ATP2A3: variants seen among roughly 807,000 people sequenced by gnomAD.
ATP2A3 encodes the protein ATPase sarcoplasmic/endoplasmic reticulum Ca2+ transporting 3, also known as sarcoplasmic/endoplasmic reticulum calcium ATPase 3.
In ATP2A3, 61 loss-of-function variants were observed where a neutral mutation model predicts 106.8. The observed-to-expected ratio is 0.57, with a 90% CI of 0.46 to 0.71. The LOEUF (loss-of-function observed/expected upper bound fraction) is 0.71, where lower values mean the gene tolerates loss of function less well. Ranked by LOEUF, ATP2A3 falls within the 30% of genes least tolerant of loss-of-function variation. The pLI is 0.00. For missense variants in ATP2A3, 1,201 were observed against 1,423.5 expected (o/e 0.84, Z 2.52); for synonymous variants, 611 against 609.3 (o/e 1.00, Z -0.04).
intron 7 of ATP2A3, among the ~76,000 whole-genome samples, chr17:3,950,086 T>TG (rs1019483761): frequency 1.9e-4 from 28 of 150,102 alleles, no homozygotes; most frequent in Non-Finnish European, 3.3e-4. Context: ...AGCTTGAACC[T>TG]GGGGGGCGGG....
At chr17:3,962,721 C>T (rs1484186825) in intron 1 of ATP2A3, among the ~76,000 whole-genome samples, 2 of 36 alleles carry the variant, frequency 0.056, no homozygotes, top group African/African-American at 0.25. Flanking sequence ...AGAATGAAGA[C>T]AGACCTGGCT....
Position 3,947,983 on chromosome 17 carries a change from T to C in ATP2A3, c.631-128A>G. 1.1e-6 allele frequency: 1 copy of C among 919,796 alleles called. No individual in the cohort carries two copies. The allele number at this position is 919,796 out of a possible 1,614,324, so 57.0% of individuals were successfully genotyped here. A position where few individuals can be genotyped will look rare whatever the true frequency, so the allele number is the denominator to read the frequency against. ...GCTTTCCTTTTCTCCATGTTGCTAGTGCTTCCAGACTCCTGTAGCTATGTA... is the reference window on the plus strand; with the variant it reads ...GCTTTCCTTTTCTCCATGTTGCTAGCGCTTCCAGACTCCTGTAGCTATGTA... On this transcript the variant is annotated intron_variant, in intron 7 of 20. Transcript: ENST00000397041. This position sits in a 1 kb window ranked among gnomAD's most constrained non-coding sequence, Gnocchi z 7.7.
chr17:3,945,946 C>G (rs2054088840), intron 8 of ATP2A3, among the ~76,000 whole-genome samples: 1 of 152,202 alleles, frequency 6.6e-6, no homozygotes, highest in South Asian at 2.1e-4. Context: ...CCACACTGCA[C>G]TTTAAAACTC....
In ATP2A3 at chr17:3,948,153, G is replaced by A. The variant is rs1051579443; in HGVS notation, c.631-298C>T. ...GATATTGATGATATAATCAACCAGC[G>A]CAGCACAAGCATCAACCCCACAAAA... On this transcript the variant is annotated intron_variant, in intron 7 of 20. Coordinates refer to ENST00000397041, the MANE Select transcript of ATP2A3 (RefSeq NM_005173.4). Among the ~76,000 whole-genome samples, 10 of 152,330 alleles carry A rather than the reference G, an allele frequency of 6.6e-5. No homozygotes were observed. In the East Asian group the frequency reaches 1.2e-3, roughly 18 times the overall value.
At chr17:3,950,629 A>G (rs370795289) in intron 6 of ATP2A3, 33 bp from the exon 7 acceptor site, 14 of 1,613,678 alleles carry the variant, frequency 8.7e-6, no homozygotes, top group East Asian at 2.2e-5. Context: ...GAAGCCCCAC[A>G]TGAAGACACG....
At position 3,928,663 on chromosome 17, in the gene ATP2A3, C is replaced by G; in HGVS notation, c.2980G>C (p.Glu994Gln). Residue 994 changes from glutamate to glutamine, a missense_variant and splice_region_variant, in exon 20 of 21, where the codon GAA (glutamate) becomes CAA (glutamine). Around this residue, in one of 2 missense-constraint regions of ATP2A3, gnomAD observed 935 missense variants for 1,176.7 expected, o/e 0.79. Coordinates refer to ENST00000397041, the MANE Select transcript of ATP2A3 (RefSeq NM_005173.4). This position sits in a 1 kb window ranked among gnomAD's most constrained non-coding sequence, Gnocchi z 6.1. ...AGGCGGGACGGGGCCTCCCACTCAC[C>G]GTGCATGTGGTTCCGGGACAGGTAC... The part of the protein sequence containing the change: ...LKYLSRNHMH[E>Q]EMSQK 1.3e-6 allele frequency: 2 copies of G among 1,549,980 alleles called. No homozygotes were observed. The highest frequency in any genetic ancestry group is 1.7e-6 in the Non-Finnish European group (2 of 1,146,202).
At position 3,929,419 on chromosome 17, in the gene ATP2A3, C is replaced by T. The variant is rs748838172; in HGVS notation, c.2771G>A (p.Arg924Gln). ...NSVSENQSLL[R>Q]MPPWMNPWLL... Reference sequence around the variant, plus strand: ...CCAGGGGTTCATCCAGGGCGGCATCCGCAGCAGCGACTGGTTCTCCGAGAC... The same window carrying T: ...CCAGGGGTTCATCCAGGGCGGCATCTGCAGCAGCGACTGGTTCTCCGAGAC... Residue 924 changes from arginine to glutamine, a missense_variant, in exon 19 of 21, where the codon CGG (arginine) becomes CAG (glutamine). Physicochemically the swap from Arg to Gln is conservative, Grantham distance 43 (BLOSUM62 1). This residue lies in a region of ATP2A3 where 935 missense variants were observed against 1,176.7 expected (regional missense o/e 0.79). Coordinates refer to ENST00000397041, the MANE Select transcript of ATP2A3 (RefSeq NM_005173.4). This position sits in a 1 kb window ranked among gnomAD's most constrained non-coding sequence, Gnocchi z 4.3. 7.5e-6 allele frequency: 12 copies of T among 1,593,040 alleles called. No individual in the cohort carries two copies. The highest frequency in any genetic ancestry group is 1.3e-5 in the African/African-American group (1 of 74,438).
Position 3,945,049 on chromosome 17 carries a change from C to G in ATP2A3, c.1184+11G>C. 2 of 1,535,920 alleles carry G rather than the reference C, an allele frequency of 1.3e-6. No homozygotes were observed. The highest frequency in any genetic ancestry group is 1.8e-6 in the Non-Finnish European group (2 of 1,139,836). On this transcript the variant is annotated intron_variant, in intron 9 of 20. Coordinates refer to ENST00000397041, the MANE Select transcript of ATP2A3 (RefSeq NM_005173.4). ...GCCGCCCGCCCGCGCGTCCCCTGGC[C>G]CCGCACTCACACTTCGCCCTCGGGG... is the stretch of plus-strand genomic sequence containing the variant.
At position 3,936,190 on chromosome 17, in the gene ATP2A3, C is replaced by T. The variant is rs960451404; in HGVS notation, c.2524+77G>A. On this transcript the variant is annotated intron_variant, in intron 16 of 20. Transcript: ENST00000397041. The surrounding 1 kb of genome is among the most constrained non-coding windows in gnomAD (Gnocchi z 5.4). Reference sequence around the variant, plus strand: ...CTGGCACAAGCCAGGCTGAGTCACACTGTCTGCAGCTTGCAAGCCTGATAC... The same window carrying T: ...CTGGCACAAGCCAGGCTGAGTCACATTGTCTGCAGCTTGCAAGCCTGATAC... 4.7e-5 allele frequency: 74 copies of T among 1,559,410 alleles called. No individual in the cohort carries two copies. The Middle Eastern group carries it at 5.0e-4, about 11-fold the overall frequency.
At chr17:3,927,209 T>A (rs1434935134) in intron 20 of ATP2A3, 5 of 985,342 alleles carry the variant, frequency 5.1e-6, no homozygotes, top group Non-Finnish European at 6.0e-6. Context: ...CTCCCGCTCT[T>A]TAGGCCTGGG....
Position 3,941,408 on chromosome 17 carries a change from T to A in ATP2A3, c.1764+28A>T, listed in dbSNP as rs113762727. Reference sequence around the variant, plus strand: ...CTTGGCTCCTGCACCCACCTCGTACTGCAGGGAGAATCGGCTCCTGCACCC... The same window carrying A: ...CTTGGCTCCTGCACCCACCTCGTACAGCAGGGAGAATCGGCTCCTGCACCC... On this transcript the variant is annotated intron_variant, in intron 13 of 20. Transcript: ENST00000397041. 742 of 1,612,972 alleles carry A rather than the reference T, an allele frequency of 4.6e-4. 3 individuals carry two copies. In the African/African-American group the frequency reaches 8.9e-3, roughly 19 times the overall value.
chr17:3,925,801 C>T lies in ATP2A3; in HGVS notation c.2981-360G>A, dbSNP rs2144164905. Among the ~76,000 whole-genome samples the T allele has an allele frequency of 6.6e-6, 1 of 152,228 alleles. No individual in the cohort carries two copies. The highest frequency in any genetic ancestry group is 6.5e-5 in the Admixed American group (1 of 15,282). ...CATCACACACACCCAGGCCTGATTT[C>T]ACCCAAATTGCGAGAGCTCATCTCT... On this transcript the variant is annotated intron_variant, in intron 20 of 20. Coordinates refer to ENST00000397041, the MANE Select transcript of ATP2A3 (RefSeq NM_005173.4). This position sits in a 1 kb window ranked among gnomAD's most constrained non-coding sequence, Gnocchi z 4.2.
chr17:3,960,285 G>C (rs1416413508), intron 1 of ATP2A3, among the ~76,000 whole-genome samples: 1 of 152,250 alleles, frequency 6.6e-6, no homozygotes, highest in African/African-American at 2.4e-5. Flanking sequence ...TTCAGCACCA[G>C]CTATGGCCTG....
In ATP2A3 at chr17:3,935,199, T is replaced by C. The variant is rs2053363662; in HGVS notation, c.2603A>G (p.Tyr868Cys). The C allele has an allele frequency of 1.9e-6, 3 of 1,614,040 alleles. No individual in the cohort carries two copies. The highest frequency in any genetic ancestry group is 1.1e-5 in the South Asian group (1 of 91,082). ...TGGCCAGCCCTTGCTCACCAGCTGG[T>C]AGAAGTTGATGTGAGGTCCCTCGGC... Reference protein sequence around the residue: ...YDAEGPHINFYQLRNFLKCSE... With the variant: ...YDAEGPHINFCQLRNFLKCSE... Residue 868 changes from tyrosine (Y) to cysteine (C), a missense_variant, in exon 17 of 21, where the codon TAC becomes TGC. By Grantham distance (194) the Tyr-to-Cys change is radical. Transcript: ENST00000397041.
chr17:3,936,569 ACT>A lies in ATP2A3; in HGVS notation c.2322-102_2322-101del, dbSNP rs879107270. On this transcript the variant is annotated intron_variant, in intron 15 of 20. Transcript: ENST00000397041. The surrounding 1 kb of genome is among the most constrained non-coding windows in gnomAD (Gnocchi z 5.4). ...CCCAAGGCTGGGAGCTCACCCACCC[ACT>A]GTCTCCACAGCAGCCCCTCCTCCCT... 7.9e-7 allele frequency: 1 copy of A among 1,265,400 alleles called. No homozygotes were observed. The highest frequency in any genetic ancestry group is 1.2e-5 in the South Asian group (1 of 82,188). The allele number at this position is 1,265,400 out of a possible 1,614,324, so 78.4% of individuals were successfully genotyped here.
At chr17:3,961,751 G>A (rs529595095) in intron 1 of ATP2A3, among the ~76,000 whole-genome samples, 5 of 152,244 alleles carry the variant, frequency 3.3e-5, no homozygotes, top group East Asian at 1.9e-4. Flanking sequence ...CCTCTTCTGC[G>A]ACAAGGAAGG....
At chr17:3,948,451 G>T (rs1363994947) in intron 7 of ATP2A3, among the ~76,000 whole-genome samples, 1 of 152,128 alleles carries the variant, frequency 6.6e-6, no homozygotes, top group East Asian at 1.9e-4. Flanking sequence ...TATGCTGTTG[G>T]GGCTGGCGAG....
chr17:3,947,800 T>A lies in ATP2A3; in HGVS notation c.686A>T (p.His229Leu). 6.2e-7 allele frequency: 1 copy of A among 1,600,490 alleles called. No homozygotes were observed. The highest frequency in any genetic ancestry group is 1.3e-5 in the African/African-American group (1 of 75,064). The change falls in exon 8 of 21, where the codon CAC becomes CTC. Residue 229 changes from histidine to leucine, a missense_variant. By Grantham distance (99) the His-to-Leu change is moderately conservative. This residue lies in a region of ATP2A3 where 935 missense variants were observed against 1,176.7 expected (regional missense o/e 0.79). Transcript: ENST00000397041. The surrounding 1 kb of genome is among the most constrained non-coding windows in gnomAD (Gnocchi z 7.7). ...GCTCCGGATCTTGCCCAGCTCCGTGTGCAGGCCGGTGGCCACGGCCACACC... is the reference window on the plus strand; with the variant it reads ...GCTCCGGATCTTGCCCAGCTCCGTGAGCAGGCCGGTGGCCACGGCCACACC... ...AVGVAVATGLHTELGKIRSQM... is the reference protein window; with the variant it reads ...AVGVAVATGLLTELGKIRSQM...
At position 3,941,304 on chromosome 17, in the gene ATP2A3, C is replaced by G; in HGVS notation, c.1767G>C (p.Thr589=). The G allele has an allele frequency of 1.2e-6, 2 of 1,613,678 alleles. No homozygotes were observed. The highest frequency in any genetic ancestry group is 1.3e-5 in the African/African-American group (1 of 75,056). The change falls in exon 14 of 21, where the codon ACG becomes ACC. Residue 589 remains threonine, a splice_region_variant and synonymous_variant. Transcript: ENST00000397041. ...CTACGCAGCCCACGAAGGTCAGGTC[C>G]GTCTGTAGGGAGGGGGCAGATTCAA... The part of the protein sequence containing the change: ...DDCSKFVQYE[T]DLTFVGCVGM...
Sources: allele counts gnomAD v4.1 joint callset (sites outside exome capture counted in the v4.1 genomes callset), GRCh38; gene constraint gnomAD v4.1.1; regional missense constraint gnomAD v4.1.1; non-coding constraint Gnocchi (gnomAD v3.1); transcripts MANE v1.5; gene names NCBI Gene and HGNC (gene_info 2026-07-23, HGNC 2026-07-21).